CUL1: variants seen among roughly 807,000 people sequenced by gnomAD.
CUL1 encodes cullin-1.
In CUL1, 24 loss-of-function variants were observed where a neutral mutation model predicts 118.0. That is an observed-to-expected ratio of 0.20 (90% CI 0.15 to 0.29). The LOEUF (loss-of-function observed/expected upper bound fraction) is 0.29. CUL1 is among the 10% of genes least tolerant of loss of function. CUL1 has a pLI of 1.00. For missense variants in CUL1, 361 were observed against 933.8 expected (o/e 0.39, Z 7.99); for synonymous variants, 332 against 340.4 (o/e 0.98, Z 0.27).
intron 9 of CUL1, among the ~76,000 whole-genome samples, chr7:148,775,937 T>G (rs1368366579): frequency 1.3e-5 from 2 of 152,072 alleles, no homozygotes. Context: ...TTCCTATCAC[T>G]TATGCCTTGG....
chr7:148,769,230 A>G (rs191555165), intron 9 of CUL1, among the ~76,000 whole-genome samples: 31 of 152,308 alleles, frequency 2.0e-4, no homozygotes, highest in African/African-American at 6.3e-4. Flanking sequence ...TGAATAAACA[A>G]TACATGTAAA....
intron 1 of CUL1, among the ~76,000 whole-genome samples, chr7:148,720,919 A>G (rs1278447805): frequency 6.6e-6 from 1 of 152,242 alleles, no homozygotes; most frequent in Non-Finnish European, 1.5e-5. Context: ...TGTTACATGA[A>G]TATATAGCCT....
At chr7:148,770,688 A>G (rs1800179714) in intron 9 of CUL1, among the ~76,000 whole-genome samples, 1 of 152,200 alleles carries the variant, frequency 6.6e-6, no homozygotes, top group Admixed American at 6.5e-5. Flanking sequence ...TCTCTGGGAA[A>G]GCCCACAGAA....
chr7:148,707,192 A>G lies in CUL1; in HGVS notation c.-162+8163A>G, dbSNP rs1185349701. 2.0e-5 allele frequency among the ~76,000 whole-genome samples: 3 copies of G among 152,210 alleles called. No individual in the cohort carries two copies. In the South Asian group the frequency reaches 6.2e-4, roughly 32 times the overall value. ...GTGGAAAATTAGGTCTTTACAGTAG[A>G]GATTTGATATGGAGTGAATTGATGT... On this transcript the variant is annotated intron_variant, in intron 1 of 21. Transcript: ENST00000325222.
At chr7:148,728,289 G>T (rs1443319188) in intron 1 of CUL1, among the ~76,000 whole-genome samples, 1 of 152,022 alleles carries the variant, frequency 6.6e-6, no homozygotes, top group Admixed American at 6.6e-5. Context: ...GTTGCTGATA[G>T]AAATTATAAG....
chr7:148,799,182 G>GAATTAT, intron 20 of CUL1, 93 bp from the exon 21 acceptor site: 1 of 844,588 alleles, frequency 1.2e-6, no homozygotes, highest in South Asian at 1.7e-5. Flanking sequence ...CTGTGCATAG[G>GAATTAT]CGTCGGCAGC....
At chr7:148,769,013 A>C (rs2129461039) in intron 9 of CUL1, among the ~76,000 whole-genome samples, 1 of 152,196 alleles carries the variant, frequency 6.6e-6, no homozygotes, top group East Asian at 1.9e-4. Flanking sequence ...GTTTTAGTAA[A>C]AACTTAAGTA....
At chr7:148,715,216 C>T (rs1798175235) in intron 1 of CUL1, among the ~76,000 whole-genome samples, 1 of 152,128 alleles carries the variant, frequency 6.6e-6, no homozygotes, top group Non-Finnish European at 1.5e-5. Flanking sequence ...TCCTGAGGAT[C>T]CTCTTGTGAC....
At chr7:148,726,576 T>G (rs1296227711) in intron 1 of CUL1, among the ~76,000 whole-genome samples, 1 of 152,218 alleles carries the variant, frequency 6.6e-6, no homozygotes, top group Non-Finnish European at 1.5e-5. Context: ...TTTCACTGTT[T>G]TGACACTTTA....
intron 1 of CUL1, among the ~76,000 whole-genome samples, chr7:148,714,228 T>C (rs772568183): frequency 1.6e-4 from 24 of 152,258 alleles, no homozygotes; most frequent in Non-Finnish European, 2.4e-4. Context: ...TGATTTGATA[T>C]ATGTACGCTG....
At chr7:148,747,054 G>A (rs949207539) in intron 2 of CUL1, among the ~76,000 whole-genome samples, 1 of 152,200 alleles carries the variant, frequency 6.6e-6, no homozygotes, top group African/African-American at 2.4e-5. Flanking sequence ...TGTGATAAAT[G>A]CTTATGAATA....
chr7:148,753,833 G>T, intron 2 of CUL1, 143 bp from the exon 3 acceptor site: 1 of 619,692 alleles, frequency 1.6e-6, no homozygotes, highest in Non-Finnish European at 2.6e-6. Flanking sequence ...TAGTGTGAAT[G>T]GGATCTTTGT....
At chr7:148,744,072 C>T (rs1799231078) in intron 2 of CUL1, among the ~76,000 whole-genome samples, 1 of 152,116 alleles carries the variant, frequency 6.6e-6, no homozygotes, top group Non-Finnish European at 1.5e-5. Flanking sequence ...GCTTCTTTAA[C>T]CTCTTTCTAT....
intron 5 of CUL1, 52 bp downstream of exon 5, chr7:148,759,406 T>G: frequency 6.3e-7 from 1 of 1,587,082 alleles, no homozygotes; most frequent in Non-Finnish European, 8.6e-7. Flanking sequence ...CCTTCGCAGT[T>G]TCGTTGCTTA....
intron 2 of CUL1, among the ~76,000 whole-genome samples, chr7:148,740,308 G>T (rs2129459902): frequency 6.6e-6 from 1 of 152,146 alleles, no homozygotes; most frequent in South Asian, 2.1e-4. Flanking sequence ...ACCTACCTCG[G>T]CCTCCCATAG....
In CUL1 at chr7:148,800,397, C is replaced by G; in HGVS notation, c.2251-105C>G. The G allele has an allele frequency of 3.4e-6, 3 of 884,612 alleles. No individual in the cohort carries two copies. Among genetic ancestry groups the G allele is most frequent in the East Asian group, 5.0e-5 (2 of 39,620 alleles). The allele number at this position is 884,612 out of a possible 1,614,324, so 54.8% of individuals were successfully genotyped here. Reference sequence around the variant, plus strand: ...GGGGACACTGCTCCCCACTGAGCTCCGAATCAGGGGAGATTTGTGGTGGGG... The same window carrying G: ...GGGGACACTGCTCCCCACTGAGCTCGGAATCAGGGGAGATTTGTGGTGGGG... On this transcript the variant is annotated intron_variant, in intron 21 of 21. Transcript: ENST00000325222. The surrounding 1 kb of genome is among the most constrained non-coding windows in gnomAD (Gnocchi z 4.6).
chr7:148,790,534 C>G, intron 16 of CUL1, 93 bp downstream of exon 16: 1 of 1,113,098 alleles, frequency 9.0e-7, no homozygotes, highest in South Asian at 1.5e-5. Flanking sequence ...GCAGCAGAAT[C>G]TAGAATTCAG....
chr7:148,698,441 G>C (rs976522273), upstream of CUL1: 1 of 152,278 alleles, frequency 6.6e-6, no homozygotes. Flanking sequence ...GTCCTCCGCG[G>C]CGGTCCCAAG....
chr7:148,773,917 C>T (rs1314989002), intron 9 of CUL1, among the ~76,000 whole-genome samples: 1 of 152,150 alleles, frequency 6.6e-6, no homozygotes, highest in African/African-American at 2.4e-5. Context: ...TCTATTGTAG[C>T]AGAGATGGCT....
Sources: allele counts gnomAD v4.1 joint callset (sites outside exome capture counted in the v4.1 genomes callset), GRCh38; gene constraint gnomAD v4.1.1; non-coding constraint Gnocchi (gnomAD v3.1); transcripts MANE v1.5; gene names NCBI Gene and HGNC (gene_info 2026-07-23, HGNC 2026-07-21).